The following ETV6 variants were observed in gnomAD, a reference collection of about 807,000 sequenced individuals.
The protein encoded by ETV6 is ETS variant transcription factor 6, also known as transcription factor ETV6.
Under a neutral mutation model 51.1 loss-of-function variants are expected in ETV6, and 16 were observed. That is an observed-to-expected ratio of 0.31 (90% CI 0.21 to 0.48). The LOEUF (loss-of-function observed/expected upper bound fraction) is 0.48. ETV6 is among the 20% of genes least tolerant of loss of function. ETV6 has a pLI of 0.99. For synonymous variants in ETV6, 240 were observed against 224.1 expected (o/e 1.07, Z -0.64); for missense variants, 458 against 594.8 (o/e 0.77, Z 2.39).
rs771277072 is a variant in ETV6 at position 11,839,249 on chromosome 12, C to T, written c.273C>T (p.Gly91=). 1 of 1,614,218 alleles carries T rather than the reference C, an allele frequency of 6.2e-7. No individual in the cohort carries two copies. The highest frequency in any genetic ancestry group is 8.5e-7 in the Non-Finnish European group (1 of 1,180,036). Residue 91 remains glycine, a synonymous_variant, in exon 3 of 8, where the codon GGC becomes GGT. Coordinates refer to ENST00000396373, the MANE Select transcript of ETV6 (RefSeq NM_001987.5). The part of the protein sequence containing the change: ...PIDSNTFEMN[G]KALLLLTKED... ...ACAGCAACACGTTTGAAATGAATGGCAAAGCTCTCCTGCTGCTGACCAAAG... is the reference window on the plus strand; with the variant it reads ...ACAGCAACACGTTTGAAATGAATGGTAAAGCTCTCCTGCTGCTGACCAAAG...
At chr12:11,821,962 C>T (rs1486591011) in intron 2 of ETV6, among the ~76,000 whole-genome samples, 2 of 152,206 alleles carry the variant, frequency 1.3e-5, no homozygotes, top group African/African-American at 4.8e-5. Flanking sequence ...TTCCCCAAAC[C>T]GGTTGTGCTC....
intron 3 of ETV6, among the ~76,000 whole-genome samples, chr12:11,846,516 G>C (rs943217777): frequency 1.3e-5 from 2 of 152,076 alleles, no homozygotes; most frequent in East Asian, 3.9e-4. Flanking sequence ...AACAAGTAGC[G>C]TATAATAAGA....
intron 1 of ETV6, among the ~76,000 whole-genome samples, chr12:11,676,037 C>G (rs1864416160): frequency 6.6e-6 from 1 of 152,226 alleles, no homozygotes; most frequent in South Asian, 2.1e-4. Context: ...AGGTTCCCAT[C>G]TCATTCCTTG....
At chr12:11,798,306 C>A (rs1231463476) in intron 2 of ETV6, among the ~76,000 whole-genome samples, 1 of 152,150 alleles carries the variant, frequency 6.6e-6, no homozygotes, top group Non-Finnish European at 1.5e-5. Flanking sequence ...AATTGGTGGG[C>A]AGCCATTGAA....
intron 1 of ETV6, among the ~76,000 whole-genome samples, chr12:11,742,980 A>T (rs112170685): frequency 5.9e-5 from 9 of 151,528 alleles, no homozygotes; most frequent in African/African-American, 2.2e-4. Flanking sequence ...CTAATTTTTC[A>T]TATTTTTTGT....
chr12:11,798,868 C>G (rs1282474564), intron 2 of ETV6, among the ~76,000 whole-genome samples: 2 of 152,204 alleles, frequency 1.3e-5, no homozygotes, highest in Non-Finnish European at 2.9e-5. Context: ...GGAGTTAATT[C>G]AGTCACACTT....
chr12:11,752,702 G>A lies in ETV6; in HGVS notation c.163+123G>A, dbSNP rs1389914210. On this transcript the variant is annotated intron_variant, in intron 2 of 7. Coordinates refer to ENST00000396373, the MANE Select transcript of ETV6 (RefSeq NM_001987.5). ...GGTTTTCACAGGACTTCGCCACGCT[G>A]CTTTGGAATCTTTCACACCCCCCTA... The A allele has an allele frequency of 2.3e-6, 3 of 1,306,524 alleles. No homozygotes were observed. In the East Asian group the frequency reaches 7.3e-5, roughly 32 times the overall value. 80.9% of individuals were successfully genotyped at this position (1,306,524 alleles called of 1,614,324 possible). A position where few individuals can be genotyped will look rare whatever the true frequency, so the allele number is the denominator to read the frequency against.
At chr12:11,820,657 G>A (rs1181271135) in intron 2 of ETV6, among the ~76,000 whole-genome samples, 1 of 152,150 alleles carries the variant, frequency 6.6e-6, no homozygotes, top group East Asian at 1.9e-4. Flanking sequence ...AGCGTGGCTG[G>A]AGCAGAATGA....
At chr12:11,809,047 C>T (rs1273410434) in intron 2 of ETV6, among the ~76,000 whole-genome samples, 4 of 152,018 alleles carry the variant, frequency 2.6e-5, no homozygotes, top group Admixed American at 2.6e-4. Context: ...CGCCTGTAGT[C>T]CCAGCTTCTT....
intron 6 of ETV6, 73 bp from the exon 7 acceptor site, chr12:11,885,853 G>C (rs546420181): frequency 2.7e-6 from 3 of 1,092,388 alleles, no homozygotes; most frequent in Non-Finnish European, 4.2e-6. Context: ...AATAGCTCCC[G>C]CAGTGCCTTT....
intron 2 of ETV6, among the ~76,000 whole-genome samples, chr12:11,811,887 C>T (rs1005755754): frequency 6.6e-6 from 1 of 152,096 alleles, no homozygotes; most frequent in East Asian, 1.9e-4. Flanking sequence ...TGTGCTGGTC[C>T]TGCTATTTTA....
chr12:11,754,353 A>T (rs2121077038), intron 2 of ETV6, among the ~76,000 whole-genome samples: 1 of 152,246 alleles, frequency 6.6e-6, no homozygotes, highest in Non-Finnish European at 1.5e-5. Flanking sequence ...ACAGGCTGAG[A>T]TTTCTTTCAT....
At chr12:11,840,128 G>C (rs939566733) in intron 3 of ETV6, among the ~76,000 whole-genome samples, 2 of 152,158 alleles carry the variant, frequency 1.3e-5, no homozygotes, top group African/African-American at 4.8e-5. Flanking sequence ...TTGAGGTAAT[G>C]CATCTTGTAG....
At chr12:11,799,693 A>C (rs1227220524) in intron 2 of ETV6, among the ~76,000 whole-genome samples, 1 of 152,016 alleles carries the variant, frequency 6.6e-6, no homozygotes, top group Non-Finnish European at 1.5e-5. Context: ...AATACCTCAT[A>C]CTCCCCTTCT....
intron 2 of ETV6, among the ~76,000 whole-genome samples, chr12:11,754,403 G>A (rs1230147540): frequency 2.6e-5 from 4 of 152,156 alleles, no homozygotes; most frequent in Admixed American, 1.3e-4. Context: ...CCCCAAGGAG[G>A]CCCTCGCTCC....
At chr12:11,717,881 G>A (rs957185553) in intron 1 of ETV6, among the ~76,000 whole-genome samples, 36 of 152,250 alleles carry the variant, frequency 2.4e-4, no homozygotes, top group African/African-American at 7.7e-4. Flanking sequence ...GCAACAACCC[G>A]TTCTCTAGCT....
In ETV6 at chr12:11,804,649, C is replaced by T. The variant is rs145029836; in HGVS notation, c.164-34491C>T. On this transcript the variant is annotated intron_variant, in intron 2 of 7. Coordinates refer to ENST00000396373, the MANE Select transcript of ETV6 (RefSeq NM_001987.5). ...AGCTTCCCCAACAGCATTATCCAAA[C>T]GACACCTTCCTTCACTCTCCATCAC... 8.5e-5 allele frequency among the ~76,000 whole-genome samples: 13 copies of T among 152,334 alleles called. No individual in the cohort carries two copies. The East Asian group carries it at 2.3e-3, about 27-fold the overall frequency.
chr12:11,798,708 T>G (rs1460719352), intron 2 of ETV6, among the ~76,000 whole-genome samples: 4 of 152,230 alleles, frequency 2.6e-5, no homozygotes, highest in African/African-American at 9.6e-5. Context: ...CTAAATGCTT[T>G]GAAGTTGGCC....
At chr12:11,811,194 C>A (rs1468882698) in intron 2 of ETV6, among the ~76,000 whole-genome samples, 1 of 152,180 alleles carries the variant, frequency 6.6e-6, no homozygotes, top group African/African-American at 2.4e-5. Context: ...GCTTTTACCA[C>A]ATGCTCTAGT....
Sources: gnomAD v4.1 joint callset for allele counts (sites outside exome capture counted in the v4.1 genomes callset) on GRCh38, gnomAD v4.1.1 for gene constraint, MANE v1.5 for transcripts, NCBI Gene and HGNC (gene_info 2026-07-23, HGNC 2026-07-21) for gene names.